Variants in GPCPD1 observed in about 807,000 individuals in gnomAD.
The protein encoded by GPCPD1 is glycerophosphocholine phosphodiesterase GPCPD1.
GPCPD1 carries 29 observed loss-of-function variants against 89.2 expected under a neutral mutation model. The ratio of observed to expected loss-of-function variants is 0.33; its 90% CI spans 0.24 to 0.44. The LOEUF (loss-of-function observed/expected upper bound fraction) is 0.44. GPCPD1 is among the 20% of genes least tolerant of loss of function. The probability of loss-of-function intolerance (pLI) is 1.00; values close to 1 mark genes in which losing one functional copy is unlikely to be tolerated. For synonymous variants in GPCPD1, 258 were observed against 266.3 expected (o/e 0.97, Z 0.30); for missense variants, 594 against 808.9 (o/e 0.73, Z 3.22).
chr20:5,566,754 G>A lies in GPCPD1; in HGVS notation c.1246C>T (p.Leu416=), dbSNP rs1460351557. The change falls in exon 14 of 20, where the codon CTG becomes TTG. Residue 416 remains leucine (L), a synonymous_variant. Coordinates refer to ENST00000379019, the MANE Select transcript of GPCPD1 (RefSeq NM_019593.5). The stretch of plus-strand genomic sequence containing the variant: ...ATACCTTTCCGATCCTTAGATTTCA[G>A]TGCAGTCACATGAGTGAGCTAGAAA... ...QLLKLTHVTA[L]KSKDRKESVV... is the part of the protein sequence containing the mutation. 4.2e-5 allele frequency: 67 copies of A among 1,588,304 alleles called. No homozygotes were observed. Among genetic ancestry groups the A allele is most frequent in the Non-Finnish European group, 5.7e-5 (66 of 1,156,654 alleles).
chr20:5,608,246 A>G (rs536987023), intron 1 of GPCPD1, among the ~76,000 whole-genome samples: 2 of 152,340 alleles, frequency 1.3e-5, no homozygotes, highest in Admixed American at 6.5e-5. Context: ...ACAGTAACTT[A>G]GCGGTAAACA....
At chr20:5,603,195 A>C (rs951995710) in intron 2 of GPCPD1, among the ~76,000 whole-genome samples, 11 of 152,214 alleles carry the variant, frequency 7.2e-5, no homozygotes, top group African/African-American at 2.2e-4. Context: ...TGGGAGGCTG[A>C]GGCAGGAGAA....
intron 2 of GPCPD1, among the ~76,000 whole-genome samples, chr20:5,599,789 G>A (rs1472303695): frequency 2.0e-5 from 3 of 152,112 alleles, no homozygotes; most frequent in Non-Finnish European, 4.4e-5. Flanking sequence ...CTGACCTCAG[G>A]TGATCTGCCC....
chr20:5,557,800 T>C lies in GPCPD1; in HGVS notation c.1829+145A>G, dbSNP rs1040482129. ...AGTGATTCTGCTATCCTTCAAACTT[T>C]GAAAACACCCACAGGCAAATGTCAA... On this transcript the variant is annotated intron_variant, in intron 19 of 19. Transcript: ENST00000379019. The C allele has an allele frequency of 6.9e-6, 4 of 577,324 alleles. No homozygotes were observed. The East Asian group carries it at 1.2e-4, about 17-fold the overall frequency. 35.8% of individuals were successfully genotyped at this position (577,324 alleles called of 1,614,324 possible). A position where few individuals can be genotyped will look rare whatever the true frequency, so the allele number is the denominator to read the frequency against.
chr20:5,560,870 C>T (rs1361989672), intron 16 of GPCPD1, among the ~76,000 whole-genome samples: 1 of 152,216 alleles, frequency 6.6e-6, no homozygotes, highest in Non-Finnish European at 1.5e-5. Flanking sequence ...CATATTCTCT[C>T]TGATATATTC....
intron 14 of GPCPD1, among the ~76,000 whole-genome samples, chr20:5,565,832 T>C (rs540717749): frequency 3.7e-4 from 57 of 152,332 alleles, no homozygotes; most frequent in African/African-American, 1.2e-3. Flanking sequence ...TATTGTGCTT[T>C]TGTTATTATC....
chr20:5,563,090 C>G (rs1986184038), intron 15 of GPCPD1, among the ~76,000 whole-genome samples: 1 of 151,746 alleles, frequency 6.6e-6, no homozygotes. Flanking sequence ...TCACGCCATT[C>G]TGCTGCCTCA....
intron 11 of GPCPD1, among the ~76,000 whole-genome samples, chr20:5,571,846 T>C (rs1568656151): frequency 6.6e-6 from 1 of 151,640 alleles, no homozygotes; most frequent in Non-Finnish European, 1.5e-5. Context: ...GAGGTGGAGG[T>C]TGCAGTGAAC....
chr20:5,582,144 C>A (rs1344588030), intron 6 of GPCPD1, among the ~76,000 whole-genome samples: 3 of 132,112 alleles, frequency 2.3e-5, no homozygotes, highest in Non-Finnish European at 3.1e-5. Flanking sequence ...CGAGATCGCG[C>A]CACTGCACTC....
intron 15 of GPCPD1, among the ~76,000 whole-genome samples, chr20:5,564,273 T>C (rs1174428359): frequency 1.3e-5 from 2 of 151,974 alleles, no homozygotes; most frequent in Non-Finnish European, 2.9e-5. Context: ...CTTATTTTCT[T>C]TGGTTGAAGA....
At chr20:5,570,519 TCTGCAA>T (rs772376408) in intron 11 of GPCPD1, among the ~76,000 whole-genome samples, 2 of 151,170 alleles carry the variant, frequency 1.3e-5, no homozygotes, top group African/African-American at 4.9e-5. Flanking sequence ...GGCTGTTACT[TCTGCAA>T]CTGCTATTGG....
chr20:5,609,084 G>T (rs1980782703), intron 1 of GPCPD1, among the ~76,000 whole-genome samples: 1 of 152,156 alleles, frequency 6.6e-6, no homozygotes, highest in South Asian at 2.1e-4. Flanking sequence ...CAAGGTAAAG[G>T]GACATTCACT....
At chr20:5,606,262 T>C (rs998384344) in intron 1 of GPCPD1, among the ~76,000 whole-genome samples, 8 of 152,062 alleles carry the variant, frequency 5.3e-5, no homozygotes, top group Admixed American at 3.3e-4. Context: ...CACCATATTC[T>C]ACATCATAAC....
At chr20:5,606,777 A>G (rs1243648084) in intron 1 of GPCPD1, among the ~76,000 whole-genome samples, 3 of 152,250 alleles carry the variant, frequency 2.0e-5, no homozygotes, top group South Asian at 4.1e-4. Flanking sequence ...TCCAGGCTCT[A>G]TGTTAGCTAT....
At chr20:5,559,490 C>T (rs558736291) in intron 17 of GPCPD1, among the ~76,000 whole-genome samples, 1 of 152,218 alleles carries the variant, frequency 6.6e-6, no homozygotes, top group African/African-American at 2.4e-5. Context: ...GAGGCCAAGG[C>T]AGGAGGACTG....
chr20:5,553,004 T>C (rs1985519576), intron 19 of GPCPD1, among the ~76,000 whole-genome samples: 1 of 152,172 alleles, frequency 6.6e-6, no homozygotes, highest in African/African-American at 2.4e-5. Context: ...TTAATTTTAT[T>C]TTATATGAGA....
At chr20:5,575,639 T>C (rs1978287015) in intron 9 of GPCPD1, 94 bp from the exon 10 acceptor site, 2 of 954,570 alleles carry the variant, frequency 2.1e-6, no homozygotes, top group South Asian at 3.3e-5. Flanking sequence ...CAAGTCAGCT[T>C]TATCAGTTTC....
chr20:5,548,872 TC>T (rs1985197592), intron 19 of GPCPD1: 21 of 990,168 alleles, frequency 2.1e-5, no homozygotes, highest in African/African-American at 3.3e-5. Flanking sequence ...CTACTCCTAA[TC>T]CCCCTGTGAA....
rs561305191 is a variant in GPCPD1 at position 5,546,127 on chromosome 20, C to A, written c.*1534G>T. 4 of 152,244 alleles carry A rather than the reference C, an allele frequency of 2.6e-5. No homozygotes were observed. The highest frequency in any genetic ancestry group is 9.6e-5 in the African/African-American group (4 of 41,536). The allele number at this position is 152,244 out of a possible 1,614,324, so 9.4% of individuals were successfully genotyped here. A position where few individuals can be genotyped will look rare whatever the true frequency, so the allele number is the denominator to read the frequency against. ...ACAATGTGGGAAAAGTATACAGAAC[C>A]CTTGCAGAAGACTCCATTTCCTAAA... On this transcript the variant is annotated 3_prime_UTR_variant, in exon 20 of 20. Coordinates refer to ENST00000379019, the MANE Select transcript of GPCPD1 (RefSeq NM_019593.5).
Sources: gnomAD v4.1 joint callset for allele counts (sites outside exome capture counted in the v4.1 genomes callset) on GRCh38, gnomAD v4.1.1 for gene constraint, MANE v1.5 for transcripts, NCBI Gene and HGNC (gene_info 2026-07-23, HGNC 2026-07-21) for gene names.